Variants in MYO5A observed in about 807,000 individuals in gnomAD.
MYO5A encodes the protein unconventional myosin-Va.
Under a neutral mutation model 249.7 loss-of-function variants are expected in MYO5A, and 98 were observed. That is an observed-to-expected ratio of 0.39 (90% CI 0.33 to 0.46). The LOEUF is 0.46. Ranked by LOEUF, MYO5A falls within the 20% of genes least tolerant of loss-of-function variation. MYO5A has a pLI of 0.98. For synonymous variants in MYO5A, 778 were observed against 810.6 expected (o/e 0.96, Z 0.68); for missense variants, 1,696 against 2,308.8 (o/e 0.73, Z 5.44).
At chr15:52,449,452 A>G (rs2075968226) in intron 1 of MYO5A, among the ~76,000 whole-genome samples, 1 of 152,124 alleles carries the variant, frequency 6.6e-6, no homozygotes, top group African/African-American at 2.4e-5. Context: ...CAAATTGCCC[A>G]GCAAGCCCTT....
chr15:52,371,242 C>T (rs746335728), intron 21 of MYO5A, among the ~76,000 whole-genome samples: 6 of 152,246 alleles, frequency 3.9e-5, no homozygotes, highest in Non-Finnish European at 7.4e-5. Context: ...ATTCTGATCC[C>T]TGTTTTGCTT....
chr15:52,370,179 T>G lies in MYO5A; in HGVS notation c.3056A>C (p.Glu1019Ala). The G allele has an allele frequency of 6.2e-7, 1 of 1,614,104 alleles. No individual in the cohort carries two copies. The highest frequency in any genetic ancestry group is 8.5e-7 in the Non-Finnish European group (1 of 1,179,954). Reference sequence around the variant, plus strand: ...GGACATTATTCCTACCTGCTCTGTTTCTTGTTTGTATCGATCTGCATGTTC... The same window carrying G: ...GGACATTATTCCTACCTGCTCTGTTGCTTGTTTGTATCGATCTGCATGTTC... ...IEEHADRYKQETEQLVSNLKE... is the reference protein window; with the variant it reads ...IEEHADRYKQATEQLVSNLKE... The change falls in exon 22 of 42, where the codon GAA becomes GCA. Residue 1019 changes from glutamate (E) to alanine (A), a missense_variant. Around this residue, in one of 5 missense-constraint regions of MYO5A, gnomAD observed 412 missense variants for 453.3 expected, o/e 0.91. Coordinates refer to ENST00000399233, the MANE Select transcript of MYO5A (RefSeq NM_001382347.1).
chr15:52,504,054 CTTTT>C (rs71425753), intron 1 of MYO5A, among the ~76,000 whole-genome samples: 7 of 122,936 alleles, frequency 5.7e-5, no homozygotes, highest in Non-Finnish European at 1.0e-4. Flanking sequence ...GTTTCTCCTT[CTTTT>C]TTTTTTTTTT....
chr15:52,321,411 C>G lies in MYO5A; in HGVS notation c.4899G>C (p.Gln1633His). 6.2e-7 allele frequency: 1 copy of G among 1,614,204 alleles called. No individual in the cohort carries two copies. The highest frequency in any genetic ancestry group is 8.5e-7 in the Non-Finnish European group (1 of 1,180,038). ...YRQVLSDLAI[Q>H]IYQQLVRVLE... ...ACACCCGCACGAGCTGCTGGTAGATCTGAATGGCCAAGTCACTCAGCACCT... is the reference window on the plus strand; with the variant it reads ...ACACCCGCACGAGCTGCTGGTAGATGTGAATGGCCAAGTCACTCAGCACCT... Residue 1633 changes from glutamine (Q) to histidine (H), a missense_variant, in exon 38 of 42, where the codon CAG (glutamine) becomes CAC (histidine). Gln to His is a conservative substitution (Grantham distance 24). Coordinates refer to ENST00000399233, the MANE Select transcript of MYO5A (RefSeq NM_001382347.1).
intron 1 of MYO5A, among the ~76,000 whole-genome samples, chr15:52,492,433 T>C (rs1023589029): frequency 6.6e-6 from 1 of 152,206 alleles, no homozygotes; most frequent in African/African-American, 2.4e-5. Flanking sequence ...AGAGGCTCAT[T>C]AGGGACACAT....
intron 1 of MYO5A, among the ~76,000 whole-genome samples, chr15:52,470,288 T>A (rs2076433180): frequency 6.6e-6 from 1 of 152,144 alleles, no homozygotes; most frequent in Non-Finnish European, 1.5e-5. Flanking sequence ...ACCACTTTGA[T>A]AGCTTTGGTG....
intron 36 of MYO5A, among the ~76,000 whole-genome samples, chr15:52,327,391 T>C (rs2038659714): frequency 6.6e-6 from 1 of 152,210 alleles, no homozygotes; most frequent in Non-Finnish European, 1.5e-5. Context: ...AGGAAGAATG[T>C]TTCTTCCAGT....
chr15:52,479,229 C>T (rs2076664742), intron 1 of MYO5A, among the ~76,000 whole-genome samples: 1 of 152,090 alleles, frequency 6.6e-6, no homozygotes, highest in Non-Finnish European at 1.5e-5. Flanking sequence ...CTGCCCTCCT[C>T]AGCCTCCCAA....
At chr15:52,408,238 G>A in intron 6 of MYO5A, 98 bp from the exon 7 acceptor site, 1 of 721,280 alleles carries the variant, frequency 1.4e-6, no homozygotes, top group Non-Finnish European at 2.4e-6. Flanking sequence ...ATCTCAGTTG[G>A]TTAAATAAAT....
At chr15:52,500,125 T>C (rs1476426770) in intron 1 of MYO5A, among the ~76,000 whole-genome samples, 5 of 152,190 alleles carry the variant, frequency 3.3e-5, no homozygotes, top group Non-Finnish European at 1.5e-5. Flanking sequence ...GCATTTTACA[T>C]TATCACCACC....
intron 1 of MYO5A, among the ~76,000 whole-genome samples, chr15:52,433,668 C>T (rs1398663106): frequency 1.3e-5 from 2 of 152,080 alleles, no homozygotes; most frequent in African/African-American, 4.8e-5. Context: ...GTGATCCACC[C>T]GCCTCAGCCT....
rs561431007 is a variant in MYO5A, at chr15:52,345,998, C to G, written c.3959+363G>C. ...TTTCAAATATTGAAAACTGCAGTTG[C>G]CCCTACAAACCTTCACAAATAACCA... On this transcript the variant is annotated intron_variant, in intron 30 of 41. Coordinates refer to ENST00000399233, the MANE Select transcript of MYO5A (RefSeq NM_001382347.1). Among the ~76,000 whole-genome samples the G allele has an allele frequency of 3.7e-4, 57 of 152,312 alleles. 1 individual carries two copies. In the South Asian group the frequency reaches 0.011, roughly 29 times the overall value.
At chr15:52,426,536 C>T (rs1316914001) in intron 3 of MYO5A, among the ~76,000 whole-genome samples, 1 of 152,188 alleles carries the variant, frequency 6.6e-6, no homozygotes, top group East Asian at 1.9e-4. Flanking sequence ...TATCTTGGCT[C>T]ACTACAGCCT....
intron 6 of MYO5A, among the ~76,000 whole-genome samples, chr15:52,408,620 T>C (rs1388781916): frequency 6.6e-6 from 1 of 152,216 alleles, no homozygotes; most frequent in African/African-American, 2.4e-5. Context: ...ATCATTTTAG[T>C]TTATACATTT....
chr15:52,386,687 T>C (rs891156855), intron 14 of MYO5A, among the ~76,000 whole-genome samples: 20 of 151,986 alleles, frequency 1.3e-4, no homozygotes, highest in African/African-American at 4.6e-4. Context: ...CCTGAAACTA[T>C]AGCCATGCAC....
chr15:52,511,511 A>C (rs1297983153), intron 1 of MYO5A, among the ~76,000 whole-genome samples: 1 of 152,208 alleles, frequency 6.6e-6, no homozygotes, highest in East Asian at 1.9e-4. Context: ...TGAGGCTATC[A>C]TTCCATTAAA....
In MYO5A at chr15:52,327,950, G is replaced by A; in HGVS notation, c.4612C>T (p.Leu1538=). 6.2e-7 allele frequency: 1 copy of A among 1,613,646 alleles called. No individual in the cohort carries two copies. The highest frequency in any genetic ancestry group is 8.5e-7 in the Non-Finnish European group (1 of 1,179,614). Residue 1538 remains leucine (L), a synonymous_variant, in exon 36 of 42, where the codon CTG becomes TTG. Transcript: ENST00000399233. The part of the protein sequence containing the change: ...NLIPGLPAYI[L]FMCVRHADYL... ...TCAGCATGTCGAACACACATGAACA[G>A]GATATATGCCGGTAATCCTGGAATC...
chr15:52,462,853 A>C (rs2076280970), intron 1 of MYO5A, among the ~76,000 whole-genome samples: 1 of 152,076 alleles, frequency 6.6e-6, no homozygotes, highest in Admixed American at 6.5e-5. Flanking sequence ...CTTGGAAAAA[A>C]AAAAAAAAGG....
At chr15:52,363,987 C>G (rs1365875414) in intron 24 of MYO5A, among the ~76,000 whole-genome samples, 1 of 152,106 alleles carries the variant, frequency 6.6e-6, no homozygotes, top group Non-Finnish European at 1.5e-5. Context: ...GCCTGTAATC[C>G]CAGCACTTTG....
Sources: allele counts gnomAD v4.1 joint callset (sites outside exome capture counted in the v4.1 genomes callset), GRCh38; gene constraint gnomAD v4.1.1; regional missense constraint gnomAD v4.1.1; transcripts MANE v1.5; gene names NCBI Gene and HGNC (gene_info 2026-07-23, HGNC 2026-07-21).